LRRIQ3: variants seen among roughly 807,000 people sequenced by gnomAD.
LRRIQ3 encodes leucine-rich repeat and IQ domain-containing protein 3.
LRRIQ3 carries 75 observed loss-of-function variants against 59.3 expected under a neutral mutation model. The observed-to-expected ratio is 1.26, with a 90% CI of 1.05 to 1.53. The LOEUF is 1.53. LRRIQ3 is among the 40% of genes most tolerant of loss of function. The pLI is 0.00. For missense variants in LRRIQ3, 831 were observed against 710.0 expected (o/e 1.17, Z -1.94); for synonymous variants, 250 against 231.3 (o/e 1.08, Z -0.73).
At chr1:74,140,335 A>C (rs956435267) in intron 4 of LRRIQ3, among the ~76,000 whole-genome samples, 1 of 151,896 alleles carries the variant, frequency 6.6e-6, no homozygotes, top group Non-Finnish European at 1.5e-5. Flanking sequence ...GAGTCATTTC[A>C]TAAAGATAAA....
intron 6 of LRRIQ3, among the ~76,000 whole-genome samples, chr1:74,070,298 C>A (rs552688872): frequency 6.6e-6 from 1 of 152,080 alleles, no homozygotes; most frequent in East Asian, 1.9e-4. Context: ...ATGCAGCCCC[C>A]AAAATAATGA....
intron 5 of LRRIQ3, among the ~76,000 whole-genome samples, chr1:74,106,215 CA>C (rs1172791985): frequency 1.3e-5 from 2 of 152,010 alleles, no homozygotes; most frequent in Admixed American, 6.6e-5. Context: ...TAGAAATTCA[CA>C]ACATATAGAC....
intron 6 of LRRIQ3, among the ~76,000 whole-genome samples, chr1:74,049,925 C>CTTTTTTTTTTTTTT (rs1343000738): frequency 9.7e-6 from 1 of 102,794 alleles, no homozygotes; most frequent in Non-Finnish European, 2.1e-5. Context: ...TCTTTTTTTT[C>CTTTTTTTTTTTTTT]TTTTTTTTTT....
chr1:74,093,923 A>T (rs1479549983), intron 5 of LRRIQ3, among the ~76,000 whole-genome samples: 1 of 151,984 alleles, frequency 6.6e-6, no homozygotes, highest in Non-Finnish European at 1.5e-5. Context: ...GTCACCTTAT[A>T]TATTAGTTGG....
chr1:74,096,651 GCT>G (rs1358756711), intron 5 of LRRIQ3, among the ~76,000 whole-genome samples: 2 of 152,062 alleles, frequency 1.3e-5, no homozygotes, highest in Admixed American at 6.6e-5. Flanking sequence ...CAGCTTTTCT[GCT>G]CTGTTTTTTC....
At chr1:74,126,334 C>T (rs999965068) in intron 4 of LRRIQ3, among the ~76,000 whole-genome samples, 1 of 151,184 alleles carries the variant, frequency 6.6e-6, no homozygotes, top group Admixed American at 6.6e-5. Flanking sequence ...GTATTATTCA[C>T]CTCATTTCAA....
intron 1 of LRRIQ3, among the ~76,000 whole-genome samples, chr1:74,192,673 C>A (rs1204851920): frequency 6.6e-6 from 1 of 151,874 alleles, no homozygotes; most frequent in Admixed American, 6.6e-5. Flanking sequence ...ATATAAACAA[C>A]CTTAATATTT....
chr1:74,051,140 A>G (rs1246966028), intron 6 of LRRIQ3, among the ~76,000 whole-genome samples: 2 of 152,186 alleles, frequency 1.3e-5, no homozygotes, highest in African/African-American at 2.4e-5. Flanking sequence ...AAGAAGTGCT[A>G]TGCTGGAGCC....
At chr1:74,054,581 C>T (rs1186709897) in intron 6 of LRRIQ3, among the ~76,000 whole-genome samples, 1 of 151,712 alleles carries the variant, frequency 6.6e-6, no homozygotes, top group East Asian at 1.9e-4. Flanking sequence ...AACAATTGTA[C>T]CACTATATTA....
intron 4 of LRRIQ3, among the ~76,000 whole-genome samples, chr1:74,132,229 C>G (rs1462625057): frequency 6.6e-6 from 1 of 152,042 alleles, no homozygotes; most frequent in Non-Finnish European, 1.5e-5. Context: ...AAAGAGGACA[C>G]AAACAAATGG....
intron 4 of LRRIQ3, among the ~76,000 whole-genome samples, chr1:74,140,058 C>T (rs1647204923): frequency 6.6e-6 from 1 of 151,500 alleles, no homozygotes; most frequent in Admixed American, 6.6e-5. Context: ...GCAAAAATAA[C>T]ACAATGTATT....
intron 4 of LRRIQ3, among the ~76,000 whole-genome samples, chr1:74,122,413 C>CT (rs1237359677): frequency 6.6e-6 from 1 of 152,088 alleles, no homozygotes. Flanking sequence ...CCTTCGCCCA[C>CT]TTTTTGATGG....
chr1:74,060,407 T>C (rs1654688872), intron 6 of LRRIQ3, among the ~76,000 whole-genome samples: 1 of 151,738 alleles, frequency 6.6e-6, no homozygotes, highest in African/African-American at 2.4e-5. Flanking sequence ...TCTTTTCTAC[T>C]TCTTTTTTTC....
At chr1:74,067,656 C>G (rs2100460331) in intron 6 of LRRIQ3, among the ~76,000 whole-genome samples, 1 of 152,052 alleles carries the variant, frequency 6.6e-6, no homozygotes, top group South Asian at 2.1e-4. Flanking sequence ...GTTTTCATAT[C>G]TGCTTTTTTT....
intron 4 of LRRIQ3, among the ~76,000 whole-genome samples, chr1:74,122,428 G>T (rs1646873161): frequency 6.6e-6 from 1 of 151,970 alleles, no homozygotes; most frequent in Non-Finnish European, 1.5e-5. Flanking sequence ...TGATGGGGTT[G>T]TTTTTTTCTT....
At chr1:74,197,786 G>A (rs1651308186) in intron 1 of LRRIQ3, among the ~76,000 whole-genome samples, 1 of 152,140 alleles carries the variant, frequency 6.6e-6, no homozygotes, top group Non-Finnish European at 1.5e-5. Context: ...ATGACCCAGG[G>A]TTGGGGGCAG....
chr1:74,093,363 A>G (rs1238637611), intron 5 of LRRIQ3, among the ~76,000 whole-genome samples: 1 of 152,096 alleles, frequency 6.6e-6, no homozygotes, highest in Non-Finnish European at 1.5e-5. Context: ...AGTGTTTACT[A>G]TTCCTATCAG....
chr1:74,049,131 G>A lies in LRRIQ3; in HGVS notation c.998-7198C>T, dbSNP rs185240511. Among the ~76,000 whole-genome samples the A allele has an allele frequency of 2.9e-3, 442 of 152,272 alleles. 1 individual carries two copies. Among genetic ancestry groups the A allele is most frequent in the African/African-American group, 0.01 (422 of 41,562 alleles). On this transcript the variant is annotated intron_variant, in intron 6 of 7. Transcript: ENST00000354431. ...GAAAAGAGAAGCTAATATAAAGGCA[G>A]TAGACAGAAGCACATTTAGCCTGCT...
intron 1 of LRRIQ3, among the ~76,000 whole-genome samples, chr1:74,186,805 A>G (rs1312138021): frequency 6.6e-6 from 1 of 152,144 alleles, no homozygotes; most frequent in Non-Finnish European, 1.5e-5. Flanking sequence ...ATTAGAAAAA[A>G]AATTGTAAGA....
Sources: allele counts gnomAD v4.1 joint callset (sites outside exome capture counted in the v4.1 genomes callset), GRCh38; gene constraint gnomAD v4.1.1; transcripts MANE v1.5; gene names NCBI Gene and HGNC (gene_info 2026-07-23, HGNC 2026-07-21).